The following PDCD4 variants were observed in gnomAD, a reference collection of about 807,000 sequenced individuals.
The protein encoded by PDCD4 is programmed cell death 4.
Under a neutral mutation model 54.0 loss-of-function variants are expected in PDCD4, and 56 were observed. That is an observed-to-expected ratio of 1.04 (90% CI 0.84 to 1.30). PDCD4 has a LOEUF of 1.30. Among genes scored for constraint, PDCD4 ranks in the 50% most tolerant of loss-of-function variants. PDCD4 has a pLI of 0.00. For synonymous variants in PDCD4, 186 were observed against 194.8 expected (o/e 0.95, Z 0.37); for missense variants, 584 against 559.8 (o/e 1.04, Z -0.44).
At chr10:110,887,397 A>C (rs546173208) in intron 5 of PDCD4, among the ~76,000 whole-genome samples, 1 of 152,204 alleles carries the variant, frequency 6.6e-6, no homozygotes, top group East Asian at 1.9e-4. Flanking sequence ...GTCGTGACCC[A>C]TGACAGTATT....
rs1845615206 is a variant in PDCD4, at chr10:110,883,026, T to A, written c.370T>A (p.Trp124Arg). 1 of 1,600,818 alleles carries A rather than the reference T, an allele frequency of 6.2e-7. No individual in the cohort carries two copies. The highest frequency in any genetic ancestry group is 1.7e-5 in the Admixed American group (1 of 57,438). Residue 124 changes from tryptophan (W) to arginine (R), a missense_variant, in exon 4 of 12, where the codon TGG becomes AGG. Trp to Arg is a moderately radical substitution (Grantham distance 101). Transcript: ENST00000280154. ...AGGTGGTGCAGGAGGCAAAGGTGTC[T>A]GGGGTACACCTGGACAGGTGTATGA... ...KKGGAGGKGV[W>R]GTPGQVYDVE...
chr10:110,873,957 A>G (rs1845463465), intron 1 of PDCD4, among the ~76,000 whole-genome samples: 1 of 152,236 alleles, frequency 6.6e-6, no homozygotes, highest in South Asian at 2.1e-4. Flanking sequence ...TTTGGAAAAC[A>G]GCATTTAAAA....
chr10:110,877,713 T>G (rs931617533), intron 2 of PDCD4, among the ~76,000 whole-genome samples: 1 of 152,184 alleles, frequency 6.6e-6, no homozygotes, highest in African/African-American at 2.4e-5. Context: ...TCTTCAATAT[T>G]TGAATAGGCC....
chr10:110,885,229 T>C (rs1464198432), intron 4 of PDCD4, 24 bp from the exon 5 acceptor site: 5 of 1,086,822 alleles, frequency 4.6e-6, no homozygotes, highest in African/African-American at 1.6e-5. Flanking sequence ...TTTTTATAAC[T>C]CTTACTCCCT....
intron 6 of PDCD4, among the ~76,000 whole-genome samples, chr10:110,888,917 CTTTTTT>C (rs765475521): frequency 6.6e-6 from 1 of 150,916 alleles, no homozygotes; most frequent in Non-Finnish European, 1.5e-5. Flanking sequence ...GAACCTAGTC[CTTTTTT>C]TTTGTTTTGT....
In PDCD4 at chr10:110,896,075, T is replaced by G. The variant is rs371874400; in HGVS notation, c.1337T>G (p.Leu446Arg). 2.5e-6 allele frequency: 4 copies of G among 1,607,238 alleles called. No homozygotes were observed. Among genetic ancestry groups the G allele is most frequent in the East Asian group, 4.5e-5 (2 of 44,682 alleles). The change falls in exon 11 of 12, where the codon CTT becomes CGT. Residue 446 changes from leucine (L) to arginine (R), a missense_variant. Coordinates refer to ENST00000280154, the MANE Select transcript of PDCD4 (RefSeq NM_014456.5). ...ATAATTTCCAAACAACTCAGAGATC[T>G]TTGTCCTTCAAGGTACTTTATTTAA... ...AGIISKQLRD[L>R]CPSRGRKRFV...
At chr10:110,875,888 CT>C in intron 1 of PDCD4, 77 bp from the exon 2 acceptor site, 1 of 562,702 alleles carries the variant, frequency 1.8e-6, no homozygotes. Flanking sequence ...TTACAGTGTG[CT>C]TAAGTAAGTT....
At chr10:110,886,273 C>T (rs1845668326) in intron 5 of PDCD4, among the ~76,000 whole-genome samples, 2 of 152,094 alleles carry the variant, frequency 1.3e-5, no homozygotes, top group Non-Finnish European at 2.9e-5. Flanking sequence ...AGCATAAGAT[C>T]AATTGTATAC....
rs771800757 is a variant in PDCD4 at position 110,890,654 on chromosome 10, A to G, written c.974A>G (p.Asn325Ser). 1.9e-6 allele frequency: 3 copies of G among 1,605,070 alleles called. No homozygotes were observed. Among genetic ancestry groups the G allele is most frequent in the Non-Finnish European group, 1.7e-6 (2 of 1,172,202 alleles). ...WGSGGGQQSVNHLVKEIDMLL... is the reference protein window; with the variant it reads ...WGSGGGQQSVSHLVKEIDMLL... ...TCTGGAGGTGGGCAGCAATCTGTCA[A>G]TCACCTTGTTAAAGAGGTAATGATT... The change falls in exon 8 of 12, where the codon AAT becomes AGT. Residue 325 changes from asparagine (N) to serine (S), a missense_variant. By Grantham distance (46) the Asn-to-Ser change is conservative. Transcript: ENST00000280154.
At chr10:110,895,755 C>CT (rs1168073429) in intron 10 of PDCD4, among the ~76,000 whole-genome samples, 193 bp from the exon 11 acceptor site, 1 of 152,106 alleles carries the variant, frequency 6.6e-6, no homozygotes. Flanking sequence ...TTTCCTGACT[C>CT]TAATAAAAGA....
chr10:110,894,713 T>C (rs1845805054), intron 10 of PDCD4, among the ~76,000 whole-genome samples, 191 bp downstream of exon 10: 1 of 150,032 alleles, frequency 6.7e-6, no homozygotes, highest in African/African-American at 2.5e-5. Context: ...AAAGTAACAC[T>C]GCAGTGTTTT....
At chr10:110,882,900 C>G in intron 3 of PDCD4, 103 bp from the exon 4 acceptor site, 1 of 742,354 alleles carries the variant, frequency 1.3e-6, no homozygotes, top group Non-Finnish European at 2.3e-6. Context: ...ACGTTAAATA[C>G]AATTTTTTTT....
At chr10:110,884,752 A>G (rs766916584) in intron 4 of PDCD4, 3 of 152,122 alleles carry the variant, frequency 2.0e-5, no homozygotes, top group Non-Finnish European at 4.4e-5. Flanking sequence ...GGCTTATTGT[A>G]TTCTGATTTT....
At chr10:110,874,045 T>C (rs1396242080) in intron 1 of PDCD4, among the ~76,000 whole-genome samples, 1 of 152,224 alleles carries the variant, frequency 6.6e-6, no homozygotes, top group African/African-American at 2.4e-5. Flanking sequence ...ATTAAAATTT[T>C]GGATTGAACT....
intron 5 of PDCD4, 95 bp from the exon 6 acceptor site, chr10:110,887,570 T>C (rs1205043949): frequency 3.7e-5 from 28 of 753,454 alleles, no homozygotes; most frequent in Admixed American, 7.7e-5. Flanking sequence ...CGTAGAGATA[T>C]ATAGATAAAA....
At chr10:110,893,006 T>C (rs763573599) in intron 8 of PDCD4, among the ~76,000 whole-genome samples, 3 of 152,120 alleles carry the variant, frequency 2.0e-5, no homozygotes, top group Non-Finnish European at 4.4e-5. Flanking sequence ...TGACCTGCTG[T>C]ACAGATTTGT....
In PDCD4 at chr10:110,898,512, G is replaced by A. The variant is rs1330610619; in HGVS notation, c.*424G>A. 6.5e-6 allele frequency: 1 copy of A among 153,814 alleles called. No homozygotes were observed. Among genetic ancestry groups the A allele is most frequent in the East Asian group, 1.9e-4 (1 of 5,260 alleles). The allele number at this position is 153,814 out of a possible 1,614,324, so 9.5% of individuals were successfully genotyped here. On this transcript the variant is annotated 3_prime_UTR_variant, in exon 12 of 12. Transcript: ENST00000280154. ...AAACCCCATGTTGGCTGCTGCTGTT[G>A]AGATACTGTGCTTTGGGAGTAAAAA...
intron 1 of PDCD4, among the ~76,000 whole-genome samples, chr10:110,872,490 C>T (rs938004629): frequency 1.8e-4 from 27 of 152,206 alleles, no homozygotes; most frequent in African/African-American, 6.3e-4. Context: ...TCTGAAGATG[C>T]GGCCCCCTGT....
At chr10:110,896,777 A>G (rs1845840213) in intron 11 of PDCD4, among the ~76,000 whole-genome samples, 1 of 152,154 alleles carries the variant, frequency 6.6e-6, no homozygotes, top group African/African-American at 2.4e-5. Flanking sequence ...TTAAGTTCTT[A>G]TAATTTTTTA....
Sources: gnomAD v4.1 joint callset for allele counts (sites outside exome capture counted in the v4.1 genomes callset) on GRCh38, gnomAD v4.1.1 for gene constraint, MANE v1.5 for transcripts, NCBI Gene and HGNC (gene_info 2026-07-23, HGNC 2026-07-21) for gene names.